The following DACH1 variants were observed in gnomAD, a reference collection of about 807,000 sequenced individuals.
DACH1 encodes dachshund family transcription factor 1, also known as dachshund homolog 1.
A neutral mutation model predicts 54.2 loss-of-function variants in DACH1; 12 were observed. The ratio of observed to expected loss-of-function variants is 0.22; its 90% CI spans 0.14 to 0.36. The LOEUF is 0.36. Ranked by LOEUF, DACH1 falls within the 10% of genes least tolerant of loss-of-function variation. The pLI is 1.00. For synonymous variants in DACH1, 386 were observed against 366.2 expected, an observed-to-expected ratio of 1.05 and a Z score of -0.62; for missense variants, 805 against 929.8, an observed-to-expected ratio of 0.87 and a Z score of 1.75.
chr13:71,585,711 T>C (rs933352840), intron 3 of DACH1, among the ~76,000 whole-genome samples: 2 of 152,112 alleles, frequency 1.3e-5, no homozygotes, highest in South Asian at 2.1e-4. Context: ...GATGTCAGGA[T>C]GATGAGTTTG....
At chr13:71,798,399 C>CAAA (rs1336004769) in intron 1 of DACH1, among the ~76,000 whole-genome samples, 1 of 139,436 alleles carries the variant, frequency 7.2e-6, no homozygotes, top group Non-Finnish European at 1.5e-5. Flanking sequence ...AACTCTTATG[C>CAAA]AAACATATGA....
At chr13:71,665,120 T>C (rs544261027) in intron 2 of DACH1, among the ~76,000 whole-genome samples, 8 of 152,104 alleles carry the variant, frequency 5.3e-5, no homozygotes, top group Non-Finnish European at 8.8e-5. Flanking sequence ...AACACTACAA[T>C]GTGTTGAACT....
intron 1 of DACH1, among the ~76,000 whole-genome samples, chr13:71,832,512 A>G (rs1350698175): frequency 6.6e-6 from 1 of 152,002 alleles, no homozygotes; most frequent in Non-Finnish European, 1.5e-5. Flanking sequence ...TCATAAAATA[A>G]GTTGCAATCT....
At chr13:71,721,289 T>C (rs1394620321) in intron 1 of DACH1, among the ~76,000 whole-genome samples, 1 of 152,084 alleles carries the variant, frequency 6.6e-6, no homozygotes, top group African/African-American at 2.4e-5. Context: ...GTTCCACTGA[T>C]GTGAACAGCC....
intron 2 of DACH1, among the ~76,000 whole-genome samples, chr13:71,641,391 T>C (rs1877886574): frequency 6.6e-6 from 1 of 151,880 alleles, no homozygotes. Context: ...GAGAAACCAG[T>C]GGTTGAGGCA....
intron 2 of DACH1, among the ~76,000 whole-genome samples, chr13:71,637,252 C>T (rs1217900230): frequency 6.6e-6 from 1 of 152,214 alleles, no homozygotes; most frequent in Middle Eastern, 3.4e-3. Context: ...TCTGACCTCA[C>T]AGGTGTGTTG....
chr13:71,866,224 G>T lies in DACH1; in HGVS notation c.546C>A (p.Thr182=). 2 of 1,612,594 alleles carry T rather than the reference G, an allele frequency of 1.2e-6. No homozygotes were observed. Among genetic ancestry groups the T allele is most frequent in the African/African-American group, 1.3e-5 (1 of 74,938 alleles). The change falls in exon 1 of 11, where the codon ACC becomes ACA. Residue 182 remains threonine (T), a synonymous_variant. Transcript: ENST00000613252. ...CCATTTTGCACTCATTATTCTGAGG[G>T]GTGTTTTCCACTGGGGACGGGGTTG... ...VYSTPSPVEN[T]PQNNECKMVD... is the part of the protein sequence containing the mutation.
chr13:71,787,683 G>A (rs773642242), intron 1 of DACH1, among the ~76,000 whole-genome samples: 1 of 152,114 alleles, frequency 6.6e-6, no homozygotes, highest in East Asian at 1.9e-4. Flanking sequence ...AATTTAGCAC[G>A]CACCCCTTAC....
intron 1 of DACH1, among the ~76,000 whole-genome samples, chr13:71,748,943 T>C (rs1884789659): frequency 2.0e-5 from 1 of 48,964 alleles, no homozygotes; most frequent in East Asian, 2.8e-4. Context: ...TTTCTTTCTT[T>C]CTTTCTTTCT....
At chr13:71,474,846 G>A (rs930584853) in intron 10 of DACH1, among the ~76,000 whole-genome samples, 3 of 152,128 alleles carry the variant, frequency 2.0e-5, no homozygotes, top group African/African-American at 4.8e-5. Flanking sequence ...GCATTAGACT[G>A]GGCTTCACAC....
At chr13:71,588,084 C>T (rs2138451683) in intron 3 of DACH1, among the ~76,000 whole-genome samples, 1 of 152,226 alleles carries the variant, frequency 6.6e-6, no homozygotes, top group East Asian at 1.9e-4. Context: ...TCTGATCTTA[C>T]TCTCAATATT....
chr13:71,541,347 C>T (rs1883116008), intron 6 of DACH1, among the ~76,000 whole-genome samples: 1 of 151,950 alleles, frequency 6.6e-6, no homozygotes, highest in Admixed American at 6.6e-5. Context: ...GGCTTTTAAA[C>T]TTTATTGTAT....
At chr13:71,476,963 T>G (rs1877573879) in intron 8 of DACH1, among the ~76,000 whole-genome samples, 1 of 151,022 alleles carries the variant, frequency 6.6e-6, no homozygotes, top group Admixed American at 6.6e-5. Context: ...GTTTGATTTC[T>G]TACTACAGAT....
chr13:71,570,283 G>A (rs1003531563), intron 4 of DACH1, among the ~76,000 whole-genome samples: 8 of 152,164 alleles, frequency 5.3e-5, no homozygotes, highest in Middle Eastern at 3.4e-3. Flanking sequence ...GCTTAGAATC[G>A]TCTCATGCCT....
intron 1 of DACH1, among the ~76,000 whole-genome samples, chr13:71,749,143 C>A (rs1306183079): frequency 5.3e-5 from 8 of 151,732 alleles, no homozygotes; most frequent in Non-Finnish European, 1.0e-4. Flanking sequence ...TGCCACCATG[C>A]CCAGCTAATT....
At chr13:71,614,197 C>T (rs896731389) in intron 3 of DACH1, among the ~76,000 whole-genome samples, 1 of 152,130 alleles carries the variant, frequency 6.6e-6, no homozygotes, top group South Asian at 2.1e-4. Flanking sequence ...TATATTACCA[C>T]TAACTATAGA....
chr13:71,635,849 C>T (rs1050987711), intron 2 of DACH1, among the ~76,000 whole-genome samples: 13 of 152,044 alleles, frequency 8.6e-5, no homozygotes, highest in African/African-American at 2.7e-4. Context: ...AGTGGGATCT[C>T]GTCTCACTGC....
chr13:71,683,199 T>A (rs1372946165), intron 1 of DACH1, among the ~76,000 whole-genome samples: 2 of 152,148 alleles, frequency 1.3e-5, no homozygotes, highest in Non-Finnish European at 2.9e-5. Context: ...GAAGTTTGTA[T>A]TCTTGCCAAA....
intron 1 of DACH1, among the ~76,000 whole-genome samples, chr13:71,781,328 G>C (rs1395350090): frequency 6.6e-6 from 1 of 151,204 alleles, no homozygotes; most frequent in Non-Finnish European, 1.5e-5. Context: ...GCCAACACTA[G>C]GTCCAGATCT....
Sources: allele counts gnomAD v4.1 joint callset (sites outside exome capture counted in the v4.1 genomes callset), GRCh38; gene constraint gnomAD v4.1.1; transcripts MANE v1.5; gene names NCBI Gene and HGNC (gene_info 2026-07-23, HGNC 2026-07-21).